Variants in LAT2 observed in about 807,000 individuals in gnomAD.
LAT2 encodes the protein linker for activation of T cells family member 2.
LAT2 carries 23 observed loss-of-function variants against 43.4 expected under a neutral mutation model. That is an observed-to-expected ratio of 0.53 (90% CI 0.38 to 0.75). The LOEUF is 0.75. LAT2 is among the 30% of genes least tolerant of loss of function. LAT2 has a pLI of 0.00. For synonymous variants in LAT2, 128 were observed against 123.2 expected (o/e 1.04, Z -0.26); for missense variants, 284 against 310.2 (o/e 0.92, Z 0.64).
At chr7:74,223,291 G>A (rs373034640) in intron 10 of LAT2, among the ~76,000 whole-genome samples, 9 of 152,172 alleles carry the variant, frequency 5.9e-5, no homozygotes, top group African/African-American at 2.2e-4. Flanking sequence ...AGGGGTTCAA[G>A]ACCAGCCTGG....
Position 74,214,791 on chromosome 7 carries a change from A to ATTTT in LAT2, c.-218-19_-218-16dup, listed in dbSNP as rs59726565. On this transcript the variant is annotated intron_variant, in intron 1 of 13. Coordinates refer to ENST00000460943, the MANE Select transcript of LAT2 (RefSeq NM_032464.3). Reference sequence around the variant, plus strand: ...TATATATATAAATATATATATATATATTTTTTTTTTTTTTTGTATTTTTTT... The same window carrying ATTTT: ...TATATATATAAATATATATATATATATTTTTTTTTTTTTTTTTTTGTATTTTTTT... 1.1e-4 allele frequency: 9 copies of ATTTT among 79,348 alleles called. No homozygotes were observed. The South Asian group carries it at 1.7e-3, about 15-fold the overall frequency. The allele number at this position is 79,348 out of a possible 1,614,324, so 4.9% of individuals were successfully genotyped here. A position where few individuals can be genotyped will look rare whatever the true frequency, so the allele number is the denominator to read the frequency against.
At chr7:74,226,032 A>C (rs1554716056) in intron 13 of LAT2, 1 of 152,258 alleles carries the variant, frequency 6.6e-6, no homozygotes, top group East Asian at 1.9e-4. Flanking sequence ...CACAGCGGTC[A>C]TGCCTATAAA....
intron 9 of LAT2, among the ~76,000 whole-genome samples, chr7:74,221,410 CAAAAAAAAAAAAAAAAA>C (rs782694803): frequency 1.4e-4 from 3 of 21,074 alleles, no homozygotes; most frequent in African/African-American, 3.9e-4. Context: ...GACTCTGTCT[CAAAAAAAAAAAAAAAAA>C]AAAAAAAAAA....
intron 10 of LAT2, among the ~76,000 whole-genome samples, 162 bp downstream of exon 10, chr7:74,221,854 A>G (rs1554715360): frequency 1.0e-5 from 1 of 97,498 alleles, no homozygotes; most frequent in Non-Finnish European, 2.1e-5. Flanking sequence ...GGGGCCAAGA[A>G]GGGATAGGGG....
intron 4 of LAT2, 36 bp downstream of exon 4, chr7:74,216,900 A>G (rs782786846): frequency 5.6e-6 from 9 of 1,593,064 alleles, no homozygotes; most frequent in Non-Finnish European, 7.7e-6. Flanking sequence ...TGGTGTATTC[A>G]TGTGCCCTGG....
At position 74,214,979 on chromosome 7, in the gene LAT2, G is replaced by A. The variant is rs1256019733; in HGVS notation, c.-61G>A. 5 of 151,064 alleles carry A rather than the reference G, an allele frequency of 3.3e-5. No homozygotes were observed. The highest frequency in any genetic ancestry group is 1.3e-4 in the Admixed American group (2 of 15,000). The allele number at this position is 151,064 out of a possible 1,614,324, so 9.4% of individuals were successfully genotyped here. A position where few individuals can be genotyped will look rare whatever the true frequency, so the allele number is the denominator to read the frequency against. ...TGCAACAGTTCTTGGAAACCCACTCGAGAGGGCCACGCCTCCATTCACCAG... is the reference window on the plus strand; with the variant it reads ...TGCAACAGTTCTTGGAAACCCACTCAAGAGGGCCACGCCTCCATTCACCAG... On this transcript the variant is annotated 5_prime_UTR_variant, in exon 2 of 14. Transcript: ENST00000460943.
intron 3 of LAT2, 45 bp downstream of exon 3, chr7:74,216,114 G>C: frequency 6.6e-7 from 1 of 1,505,922 alleles, no homozygotes. Context: ...GGTGTGGACA[G>C]TGCATCTCAG....
Position 74,220,020 on chromosome 7 carries a change from TC to T in LAT2, c.227+17del. The T allele has an allele frequency of 6.2e-7, 1 of 1,613,038 alleles. No homozygotes were observed. Among genetic ancestry groups the T allele is most frequent in the Non-Finnish European group, 8.5e-7 (1 of 1,179,638 alleles). ...ATGGCACCCACAAGGTAGGTCACAG[TC>T]CCCCAGGAAGTGACAAGAATGAAAG... On this transcript the variant is annotated intron_variant, in intron 6 of 13. Coordinates refer to ENST00000460943, the MANE Select transcript of LAT2 (RefSeq NM_032464.3). This position sits in a 1 kb window ranked among gnomAD's most constrained non-coding sequence, Gnocchi z 4.5.
At chr7:74,225,858 CA>C (rs551819299) in intron 13 of LAT2, 1 of 152,344 alleles carries the variant, frequency 6.6e-6, no homozygotes, top group Non-Finnish European at 1.5e-5. Context: ...GAGTTTGAGC[CA>C]AATGTGCAGA....
At chr7:74,224,856 T>C in intron 13 of LAT2, 96 bp downstream of exon 13, 1 of 925,290 alleles carries the variant, frequency 1.1e-6, no homozygotes, top group Non-Finnish European at 1.6e-6. Flanking sequence ...AGAGTGTGGG[T>C]GGAGGGGCCA....
chr7:74,221,914 G>A (rs1802299116), intron 10 of LAT2, among the ~76,000 whole-genome samples: 3 of 151,772 alleles, frequency 2.0e-5, no homozygotes, highest in Non-Finnish European at 2.9e-5. Flanking sequence ...TGGGAGAGAG[G>A]AGTGGGCCAC....
At chr7:74,223,875 C>G (rs1468712128) in intron 11 of LAT2, 92 bp downstream of exon 11, 1 of 1,491,244 alleles carries the variant, frequency 6.7e-7, no homozygotes, top group East Asian at 2.3e-5. Context: ...CAAAGGCCGC[C>G]CCCACTTTGA....
intron 1 of LAT2, among the ~76,000 whole-genome samples, chr7:74,214,435 T>A (rs1452401110): frequency 2.4e-5 from 1 of 41,516 alleles, no homozygotes; most frequent in South Asian, 1.1e-3. Flanking sequence ...TATATGAAAA[T>A]ATATATATAA....
chr7:74,216,905 C>T, intron 4 of LAT2, 41 bp downstream of exon 4: 3 of 1,571,472 alleles, frequency 1.9e-6, no homozygotes, highest in South Asian at 2.2e-5. Context: ...TATTCATGTG[C>T]CCTGGGCATG....
chr7:74,215,364 A>T (rs1801999420), intron 2 of LAT2: 1 of 153,384 alleles, frequency 6.5e-6, no homozygotes, highest in African/African-American at 2.4e-5. Flanking sequence ...CCAAGGCAGG[A>T]GGTGGGCAGA....
At chr7:74,217,815 C>A (rs1272183775) in intron 4 of LAT2, among the ~76,000 whole-genome samples, 2 of 152,210 alleles carry the variant, frequency 1.3e-5, no homozygotes, top group Non-Finnish European at 2.9e-5. Flanking sequence ...TGTGCACCCC[C>A]GAGCAGTCAC....
At chr7:74,213,015 TG>T (rs1261928624) in intron 1 of LAT2, among the ~76,000 whole-genome samples, 1 of 152,166 alleles carries the variant, frequency 6.6e-6, no homozygotes, top group African/African-American at 2.4e-5. Flanking sequence ...TCCTGAGACT[TG>T]TCCAAAGCCA....
Position 74,220,302 on chromosome 7 carries a change from C to G in LAT2, c.265+48C>G, listed in dbSNP as rs782144725. 4.2e-5 allele frequency: 67 copies of G among 1,579,856 alleles called. No homozygotes were observed. The South Asian group carries it at 7.4e-4, about 17-fold the overall frequency. ...AGGGACAGGCCTAGCCAAGCTGGGA[C>G]TAAGACAGGCGAAAACCCCATGGGA... is the stretch of plus-strand genomic sequence containing the variant. On this transcript the variant is annotated intron_variant, in intron 7 of 13. Coordinates refer to ENST00000460943, the MANE Select transcript of LAT2 (RefSeq NM_032464.3). The surrounding 1 kb of genome is among the most constrained non-coding windows in gnomAD (Gnocchi z 4.5).
intron 10 of LAT2, 92 bp downstream of exon 10, chr7:74,221,784 G>T: frequency 1.7e-6 from 2 of 1,160,384 alleles, no homozygotes; most frequent in South Asian, 2.7e-5. Flanking sequence ...GGCTGGGCCT[G>T]GGTTCGGGTA....
Sources: allele counts gnomAD v4.1 joint callset (sites outside exome capture counted in the v4.1 genomes callset), GRCh38; gene constraint gnomAD v4.1.1; non-coding constraint Gnocchi (gnomAD v3.1); transcripts MANE v1.5; gene names NCBI Gene and HGNC (gene_info 2026-07-23, HGNC 2026-07-21).